Variants in PSG1 observed in about 807,000 individuals in gnomAD.
PSG1 encodes pregnancy-specific beta-1-glycoprotein 1.
PSG1 carries 60 observed loss-of-function variants against 41.4 expected under a neutral mutation model. The ratio of observed to expected loss-of-function variants is 1.45; its 90% CI spans 1.18 to 1.80. The LOEUF is 1.80. Among genes scored for constraint, PSG1 ranks in the 40% most tolerant of loss-of-function variants. The pLI is 0.00. For synonymous variants in PSG1, 256 were observed against 192.9 expected, an observed-to-expected ratio of 1.33 and a Z score of -2.71; for missense variants, 806 against 516.9, an observed-to-expected ratio of 1.56 and a Z score of -5.42.
At chr19:42,871,050 G>C (rs931877674) in intron 3 of PSG1, among the ~76,000 whole-genome samples, 1 of 151,530 alleles carries the variant, frequency 6.6e-6, no homozygotes, top group Non-Finnish European at 1.5e-5. Flanking sequence ...GCTCTTCCCT[G>C]ATAGCTAGAT....
Position 42,878,139 on chromosome 19 carries a change from G to T in PSG1, c.204C>A (p.Tyr68Ter), listed in dbSNP as rs750950299. Residue 68 changes from tyrosine to a stop codon, truncating the protein, a stop_gained, in exon 2 of 6, where the codon TAC (tyrosine) becomes TAA (stop). Coordinates refer to ENST00000436291, the MANE Select transcript of PSG1 (RefSeq NM_001184825.2). LOFTEE classifies it high-confidence loss of function. ...LPQNLTGYIW[Y>*]KGQMRDLYHY... is the part of the protein sequence containing the mutation. ...GGTAGAGGTCCCTCATTTGCCCTTT[G>T]TACCAGATGTAGCCGGTAAGATTCT... 2 of 1,612,258 alleles carry T rather than the reference G, an allele frequency of 1.2e-6. No individual in the cohort carries two copies. Among genetic ancestry groups the T allele is most frequent in the Non-Finnish European group, 1.7e-6 (2 of 1,179,188 alleles).
Position 42,866,774 on chromosome 19 carries a change from C to T in PSG1, c.*360G>A. On this transcript the variant is annotated 3_prime_UTR_variant, in exon 6 of 6. Coordinates refer to ENST00000436291, the MANE Select transcript of PSG1 (RefSeq NM_001184825.2). The stretch of plus-strand genomic sequence containing the variant: ...ACTCTGTTGTTACTCTCAGAAGCTA[C>T]TACATGTGAAATTCTAATGACTGCA... The T allele has an allele frequency of 1.9e-6, 1 of 528,026 alleles. No homozygotes were observed. Among genetic ancestry groups the T allele is most frequent in the Admixed American group, 3.2e-5 (1 of 31,282 alleles). The allele number at this position is 528,026 out of a possible 1,614,324, so 32.7% of individuals were successfully genotyped here. A position where few individuals can be genotyped will look rare whatever the true frequency, so the allele number is the denominator to read the frequency against.
chr19:42,879,249 T>A (rs930808947), intron 1 of PSG1, among the ~76,000 whole-genome samples: 10 of 150,110 alleles, frequency 6.7e-5, no homozygotes, highest in Admixed American at 6.0e-4. Context: ...GCCTCCCGGG[T>A]TCACGTGATT....
intron 3 of PSG1, among the ~76,000 whole-genome samples, chr19:42,870,829 A>C (rs796946829): frequency 6.6e-6 from 1 of 151,656 alleles, no homozygotes. Context: ...TTTTGGTTAA[A>C]CTTACTCCAA....
rs781171051 is a variant in PSG1 at position 42,871,993 on chromosome 19, G to C, written c.483C>G (p.Thr161=). 3 of 1,612,286 alleles carry C rather than the reference G, an allele frequency of 1.9e-6. No homozygotes were observed. Among genetic ancestry groups the C allele is most frequent in the Middle Eastern group, 3.3e-4 (2 of 6,080 alleles). Reference sequence around the variant, plus strand: ...CACAGGTTAAGCTCACAGCCTCCATGGTCTCCCTGGGATTTAAGTTGCTGC... The same window carrying C: ...CACAGGTTAAGCTCACAGCCTCCATCGTCTCCCTGGGATTTAAGTTGCTGC... The part of the protein sequence containing the change: ...ISSSNLNPRE[T]MEAVSLTCDP... Residue 161 remains threonine, a synonymous_variant, in exon 3 of 6, where the codon ACC becomes ACG. Coordinates refer to ENST00000436291, the MANE Select transcript of PSG1 (RefSeq NM_001184825.2).
chr19:42,878,252 G>A lies in PSG1; in HGVS notation c.91C>T (p.Pro31Ser). ...TCAATCGTGACTTGGGCAGTGGTGG[G>A]CAGGTTCCAGAAGTTTAAAAGTGAT... Reference protein sequence around the residue: ...TASLLNFWNLPTTAQVTIEAE... With the variant: ...TASLLNFWNLSTTAQVTIEAE... Residue 31 changes from proline to serine, a missense_variant, in exon 2 of 6, where the codon CCC (proline) becomes TCC (serine). Pro to Ser is a moderately conservative substitution (Grantham distance 74). Coordinates refer to ENST00000436291, the MANE Select transcript of PSG1 (RefSeq NM_001184825.2). The A allele has an allele frequency of 6.2e-7, 1 of 1,609,710 alleles. No homozygotes were observed. Among genetic ancestry groups the A allele is most frequent in the Non-Finnish European group, 8.5e-7 (1 of 1,178,116 alleles).
At chr19:42,872,707 A>G (rs1462208551) in intron 2 of PSG1, among the ~76,000 whole-genome samples, 1 of 151,686 alleles carries the variant, frequency 6.6e-6, no homozygotes, top group Non-Finnish European at 1.5e-5. Context: ...GGAATGACCT[A>G]CAAAGAGTGA....
At position 42,868,500 on chromosome 19, in the gene PSG1, C is replaced by T. The variant is rs1412881280; in HGVS notation, c.989-145G>A. The stretch of plus-strand genomic sequence containing the variant: ...CCCCTCTATGTTCACTGAGCCGAAT[C>T]CTGAGGTATTCCCCTGTTTCTCCCA... On this transcript the variant is annotated intron_variant, in intron 4 of 5. Transcript: ENST00000436291. The T allele has an allele frequency of 1.0e-5, 15 of 1,488,434 alleles. 1 individual carries two copies. Among genetic ancestry groups the T allele is most frequent in the African/African-American group, 5.7e-5 (4 of 70,772 alleles). The allele number at this position is 1,488,434 out of a possible 1,614,324, so 92.2% of individuals were successfully genotyped here.
chr19:42,879,120 G>T (rs1233746692), intron 1 of PSG1, among the ~76,000 whole-genome samples: 1 of 150,866 alleles, frequency 6.6e-6, no homozygotes, highest in Non-Finnish European at 1.5e-5. Context: ...CCCCTATCCA[G>T]GCTCCAACAG....
intron 3 of PSG1, chr19:42,869,613 G>C (rs1229520740): frequency 1.9e-5 from 3 of 158,084 alleles, no homozygotes; most frequent in African/African-American, 7.3e-5. Context: ...AGGCAGTGGA[G>C]GCTCAAGGTG....
intron 2 of PSG1, among the ~76,000 whole-genome samples, 192 bp from the exon 3 acceptor site, chr19:42,872,237 T>A (rs994047940): frequency 1.3e-5 from 2 of 151,542 alleles, no homozygotes; most frequent in Non-Finnish European, 2.9e-5. Context: ...GCCTGCTTCA[T>A]GTGGGAGAAG....
intron 2 of PSG1, among the ~76,000 whole-genome samples, chr19:42,874,669 C>T (rs1311119809): frequency 1.3e-5 from 2 of 151,746 alleles, no homozygotes; most frequent in South Asian, 4.2e-4. Context: ...TGAGTTGTTG[C>T]CTTTTGAGTT....
At chr19:42,872,409 G>C (rs1039813650) in intron 2 of PSG1, among the ~76,000 whole-genome samples, 9 of 151,674 alleles carry the variant, frequency 5.9e-5, no homozygotes, top group South Asian at 2.1e-4. Flanking sequence ...CTGGAATCTT[G>C]TTAGTTTCAG....
At chr19:42,871,694 C>T (rs1257756895) in intron 3 of PSG1, 73 bp downstream of exon 3, 5 of 1,612,270 alleles carry the variant, frequency 3.1e-6, no homozygotes, top group Admixed American at 3.3e-5. Flanking sequence ...CTGAGAGGGA[C>T]AGAGAGGCCT....
At chr19:42,875,411 G>A (rs927181839) in intron 2 of PSG1, among the ~76,000 whole-genome samples, 1 of 151,666 alleles carries the variant, frequency 6.6e-6, no homozygotes, top group African/African-American at 2.4e-5. Flanking sequence ...TTGGGACAGG[G>A]TTTACAAAAT....
rs149731726 is a variant in PSG1, at chr19:42,878,205, G to A, written c.138C>T (p.Ser46=). The change falls in exon 2 of 6, where the codon TCC becomes TCT. Residue 46 remains serine, a synonymous_variant. Coordinates refer to ENST00000436291, the MANE Select transcript of PSG1 (RefSeq NM_001184825.2). ...CAAGTAGAAGAACATCCTTCCCCTC[G>A]GAAACTTTGGTTGGCTCGGCTTCAA... The part of the protein sequence containing the change: ...VTIEAEPTKV[S]EGKDVLLLVH... The A allele has an allele frequency of 5.1e-4, 825 of 1,611,834 alleles. 26 individuals carry two copies. The highest frequency in any genetic ancestry group is 2.8e-3 in the Middle Eastern group (17 of 6,058).
At position 42,874,214 on chromosome 19, in the gene PSG1, T is replaced by A. The variant is rs1175511483; in HGVS notation, c.431-2169A>T. 3.3e-5 allele frequency: 5 copies of A among 151,896 alleles called. 1 individual carries two copies. The South Asian group carries it at 8.4e-4, about 25-fold the overall frequency. 9.4% of individuals were successfully genotyped at this position (151,896 alleles called of 1,614,324 possible). A position where few individuals can be genotyped will look rare whatever the true frequency, so the allele number is the denominator to read the frequency against. Reference sequence around the variant, plus strand: ...TGAAGTTGAATATGTTGTTCCACTTTTTTTCCCCACTCTTTTTGAACTTTC... The same window carrying A: ...TGAAGTTGAATATGTTGTTCCACTTATTTTCCCCACTCTTTTTGAACTTTC... On this transcript the variant is annotated intron_variant, in intron 2 of 5. Transcript: ENST00000436291.
At chr19:42,869,819 G>A (rs1971304833) in intron 3 of PSG1, 1 of 151,644 alleles carries the variant, frequency 6.6e-6, no homozygotes, top group South Asian at 2.1e-4. Context: ...AGGACCATGT[G>A]GATCTTTCCA....
chr19:42,868,864 T>C lies in PSG1; in HGVS notation c.880A>G (p.Ile294Val). Reference sequence around the variant, plus strand: ...CTCGTGACACTGGGTAGAATGAGGATCCTGTTTTCAATGGGTCGCTTTACC... The same window carrying C: ...CTCGTGACACTGGGTAGAATGAGGACCCTGTTTTCAATGGGTCGCTTTACC... ...PRVKRPIENR[I>V]LILPSVTRNE... is the part of the protein sequence containing the mutation. The change falls in exon 4 of 6, where the codon ATC becomes GTC. Residue 294 changes from isoleucine (I) to valine (V), a missense_variant. Physicochemically the swap from Ile to Val is conservative, Grantham distance 29. Transcript: ENST00000436291. 1 of 1,611,026 alleles carries C rather than the reference T, an allele frequency of 6.2e-7. No individual in the cohort carries two copies. The highest frequency in any genetic ancestry group is 8.5e-7 in the Non-Finnish European group (1 of 1,179,064).
Sources: allele counts gnomAD v4.1 joint callset (sites outside exome capture counted in the v4.1 genomes callset), GRCh38; gene constraint gnomAD v4.1.1; transcripts MANE v1.5; gene names NCBI Gene and HGNC (gene_info 2026-07-23, HGNC 2026-07-21).